Variants in BDP1 observed in about 807,000 individuals in gnomAD.
The protein encoded by BDP1 is transcription factor TFIIIB component B'' homolog.
In BDP1, 169 loss-of-function variants were observed where a neutral mutation model predicts 266.6. That is an observed-to-expected ratio of 0.63 (90% CI 0.56 to 0.72). The LOEUF is 0.72. BDP1 is among the 30% of genes least tolerant of loss of function. The pLI is 0.00. For synonymous variants in BDP1, 1,090 were observed against 1,022.4 expected (o/e 1.07, Z -1.26); for missense variants, 3,015 against 3,053.8 (o/e 0.99, Z 0.30).
chr5:71,470,946 G>T (rs1762205266), intron 7 of BDP1, among the ~76,000 whole-genome samples: 3 of 149,094 alleles, frequency 2.0e-5, no homozygotes, highest in Admixed American at 1.3e-4. Context: ...CCTCTTTATT[G>T]AAAAGTAATA....
At chr5:71,467,261 A>C (rs7442961) in intron 5 of BDP1, 93 bp from the exon 6 acceptor site, 2 of 1,080,270 alleles carry the variant, frequency 1.9e-6, no homozygotes, top group Admixed American at 2.3e-5. Context: ...TATGATTGCC[A>C]TGCTAAACCT....
chr5:71,487,308 C>A (rs1378959962), intron 9 of BDP1, among the ~76,000 whole-genome samples: 2 of 152,090 alleles, frequency 1.3e-5, no homozygotes, highest in Non-Finnish European at 2.9e-5. Context: ...GTGGCACGAT[C>A]TCGACTCACT....
At chr5:71,558,650 G>T (rs1580223357) in intron 36 of BDP1, among the ~76,000 whole-genome samples, 1 of 151,002 alleles carries the variant, frequency 6.6e-6, no homozygotes, top group East Asian at 2.0e-4. Context: ...ACATGGCGAA[G>T]CCTCATCTCT....
chr5:71,517,297 T>C (rs775630319), intron 21 of BDP1, 25 bp from the exon 22 acceptor site: 1 of 1,560,524 alleles, frequency 6.4e-7, no homozygotes, highest in South Asian at 1.2e-5. Context: ...AAAAATAACA[T>C]ACTAATATGA....
intron 8 of BDP1, among the ~76,000 whole-genome samples, chr5:71,485,778 G>A (rs1296348821): frequency 6.6e-6 from 1 of 152,130 alleles, no homozygotes; most frequent in Non-Finnish European, 1.5e-5. Context: ...ATACTTATAA[G>A]AGTAAATGGT....
At chr5:71,540,583 C>T (rs1157060331) in intron 28 of BDP1, among the ~76,000 whole-genome samples, 1 of 152,142 alleles carries the variant, frequency 6.6e-6, no homozygotes, top group Non-Finnish European at 1.5e-5. Flanking sequence ...CCGTCTTGGC[C>T]TCCCAAAGTG....
chr5:71,517,983 C>T (rs1765307148), intron 22 of BDP1, among the ~76,000 whole-genome samples: 1 of 152,090 alleles, frequency 6.6e-6, no homozygotes, highest in Non-Finnish European at 1.5e-5. Context: ...ATAAAGTATA[C>T]TTAACAGTAT....
At chr5:71,573,815 C>T in the BDP1 span, among the ~76,000 whole-genome samples, 36 of 152,310 alleles carry the variant, frequency 2.4e-4, no homozygotes, top group Admixed American at 1.9e-3. Flanking sequence ...GGCCACTAAA[C>T]GTTCCTGGGC....
intron 17 of BDP1, 189 bp downstream of exon 17, chr5:71,511,340 A>T (rs1472303286): frequency 2.4e-5 from 15 of 623,570 alleles, no homozygotes; most frequent in Non-Finnish European, 4.0e-5. Context: ...TAAAAAGATA[A>T]CTTTAGGCTG....
chr5:71,518,900 A>C (rs975928902), intron 22 of BDP1, among the ~76,000 whole-genome samples: 1 of 149,360 alleles, frequency 6.7e-6, no homozygotes, highest in Middle Eastern at 3.4e-3. Context: ...GCTCATTGCA[A>C]CCTTCGCCTC....
Position 71,456,012 on chromosome 5 carries a change from C to G in BDP1, c.135C>G (p.Ser45=). The G allele has an allele frequency of 6.2e-7, 1 of 1,613,658 alleles. No individual in the cohort carries two copies. The highest frequency in any genetic ancestry group is 8.5e-7 in the Non-Finnish European group (1 of 1,180,034). Residue 45 remains serine, a synonymous_variant, in exon 1 of 39, where the codon TCC becomes TCG. Transcript: ENST00000358731. Reference sequence around the variant, plus strand: ...CGGATCCTGCCACGGACTCTGCTTCCAAGCCCGCGGAGCCCACAGATGTGC... The same window carrying G: ...CGGATCCTGCCACGGACTCTGCTTCGAAGCCCGCGGAGCCCACAGATGTGC... ...RPPDPATDSA[S]KPAEPTDVPT...
At chr5:71,538,914 T>C in intron 26 of BDP1, 128 bp from the exon 27 acceptor site, 1 of 648,122 alleles carries the variant, frequency 1.5e-6, no homozygotes, top group Non-Finnish European at 2.7e-6. Context: ...AATTATAAAT[T>C]AAGACAAACC....
chr5:71,547,656 A>G (rs900953287), intron 32 of BDP1, among the ~76,000 whole-genome samples: 12 of 152,220 alleles, frequency 7.9e-5, no homozygotes, highest in African/African-American at 2.9e-4. Flanking sequence ...TGAAAGTTTT[A>G]AGATTTTAAG....
intron 15 of BDP1, among the ~76,000 whole-genome samples, chr5:71,504,251 C>T (rs1411419820): frequency 7.0e-6 from 1 of 142,756 alleles, no homozygotes; most frequent in African/African-American, 2.6e-5. Context: ...CCAGCCTGGG[C>T]GACCGAGCAA....
At chr5:71,549,311 C>T in intron 33 of BDP1, 109 bp from the exon 34 acceptor site, 2 of 905,928 alleles carry the variant, frequency 2.2e-6, no homozygotes, top group Admixed American at 5.8e-5. Flanking sequence ...TTTATTTAGT[C>T]TTGATGATAA....
chr5:71,497,551 T>TA, intron 13 of BDP1, 125 bp downstream of exon 13: 2 of 673,828 alleles, frequency 3.0e-6, no homozygotes, highest in Non-Finnish European at 4.9e-6. Context: ...TACAAGAACT[T>TA]ACATTAACAT....
At chr5:71,529,111 G>A (rs1042477691) in intron 25 of BDP1, among the ~76,000 whole-genome samples, 4 of 152,150 alleles carry the variant, frequency 2.6e-5, no homozygotes, top group Non-Finnish European at 5.9e-5. Flanking sequence ...AAGCATTGAG[G>A]CCAGGCACGG....
In BDP1 at chr5:71,560,146, A is replaced by T; in HGVS notation, c.7405A>T (p.Ile2469Phe). ...GCCTCAGTTACCTCAGGATGAAATG[A>T]TTGTGTCTGATAAGGAAGAAAGAAC... ...NVPQLPQDEM[I>F]VSDKEERTDA... is the part of the protein sequence containing the mutation. The change falls in exon 37 of 39, where the codon ATT becomes TTT. Residue 2469 changes from isoleucine (I) to phenylalanine (F), a missense_variant. Transcript: ENST00000358731. 1 of 1,614,160 alleles carries T rather than the reference A, an allele frequency of 6.2e-7. No homozygotes were observed. Among genetic ancestry groups the T allele is most frequent in the Non-Finnish European group, 8.5e-7 (1 of 1,180,006 alleles).
At chr5:71,496,734 C>A (rs183751002) in intron 12 of BDP1, among the ~76,000 whole-genome samples, 1 of 152,132 alleles carries the variant, frequency 6.6e-6, no homozygotes, top group African/African-American at 2.4e-5. Context: ...AGGCACGTGC[C>A]GCCATGCATG....
Sources: allele counts gnomAD v4.1 joint callset (sites outside exome capture counted in the v4.1 genomes callset), GRCh38; gene constraint gnomAD v4.1.1; transcripts MANE v1.5; gene names NCBI Gene and HGNC (gene_info 2026-07-23, HGNC 2026-07-21).